The following KCNAB1 variants were observed in gnomAD, a reference collection of about 807,000 sequenced individuals.
KCNAB1 encodes voltage-gated potassium channel subunit beta-1.
KCNAB1 carries 35 observed loss-of-function variants against 64.6 expected under a neutral mutation model. That is an observed-to-expected ratio of 0.54 (90% CI 0.41 to 0.72). The LOEUF (loss-of-function observed/expected upper bound fraction) is 0.72, where lower values mean the gene tolerates loss of function less well. Ranked by LOEUF, KCNAB1 falls within the 30% of genes least tolerant of loss-of-function variation. The pLI is 0.00. For synonymous variants in KCNAB1, 177 were observed against 183.8 expected (o/e 0.96, Z 0.30); for missense variants, 401 against 512.9 (o/e 0.78, Z 2.11).
chr3:156,465,768 A>C (rs1713320836), intron 7 of KCNAB1, 82 bp downstream of exon 7: 1 of 1,141,490 alleles, frequency 8.8e-7, no homozygotes, highest in Non-Finnish European at 1.3e-6. Context: ...TTCAGAACAC[A>C]CTGGAAGAGG....
intron 1 of KCNAB1, among the ~76,000 whole-genome samples, chr3:156,402,839 C>T (rs1464520995): frequency 1.3e-5 from 2 of 152,170 alleles, no homozygotes; most frequent in East Asian, 3.8e-4. Flanking sequence ...TTTCCTCCCC[C>T]TATTATGGTA....
chr3:156,129,096 C>A (rs952831850), intron 1 of KCNAB1, among the ~76,000 whole-genome samples: 1 of 152,186 alleles, frequency 6.6e-6, no homozygotes, highest in African/African-American at 2.4e-5. Context: ...CTTGTTACAA[C>A]CCATATCCTT....
At chr3:156,241,932 A>G (rs1343813662) in intron 1 of KCNAB1, among the ~76,000 whole-genome samples, 1 of 152,160 alleles carries the variant, frequency 6.6e-6, no homozygotes, top group Non-Finnish European at 1.5e-5. Flanking sequence ...GAAATAATTT[A>G]CCACTTCAGA....
intron 1 of KCNAB1, among the ~76,000 whole-genome samples, chr3:156,177,264 G>C (rs1220087154): frequency 6.6e-6 from 1 of 152,088 alleles, no homozygotes; most frequent in Non-Finnish European, 1.5e-5. Flanking sequence ...ACGTTATGTG[G>C]GGTTCTAACC....
chr3:156,398,561 C>G (rs561238538), intron 1 of KCNAB1, among the ~76,000 whole-genome samples: 3 of 146,204 alleles, frequency 2.1e-5, no homozygotes, highest in Non-Finnish European at 4.4e-5. Context: ...CCACTGCACT[C>G]CAACCTGGGC....
At chr3:156,406,941 C>G (rs967716962) in intron 1 of KCNAB1, among the ~76,000 whole-genome samples, 7 of 152,172 alleles carry the variant, frequency 4.6e-5, no homozygotes, top group Non-Finnish European at 1.0e-4. Flanking sequence ...GGAGTGTGAC[C>G]TGGCCCCAAG....
intron 1 of KCNAB1, among the ~76,000 whole-genome samples, chr3:156,197,802 C>T (rs1027239157): frequency 6.6e-5 from 10 of 152,124 alleles, no homozygotes; most frequent in African/African-American, 2.4e-4. Context: ...TTTAGTTCTG[C>T]TCTGACCTTA....
chr3:156,427,560 A>G (rs1715901718), intron 2 of KCNAB1, among the ~76,000 whole-genome samples: 1 of 152,196 alleles, frequency 6.6e-6, no homozygotes, highest in Non-Finnish European at 1.5e-5. Context: ...GAGATGATCA[A>G]TTGCTAAGAA....
intron 8 of KCNAB1, among the ~76,000 whole-genome samples, chr3:156,483,817 G>A (rs1483980242): frequency 6.6e-6 from 1 of 152,114 alleles, no homozygotes; most frequent in Non-Finnish European, 1.5e-5. Context: ...ATTCTGATAT[G>A]CATCTATAAG....
At chr3:156,120,934 G>A (rs765756155) in intron 1 of KCNAB1, 48 bp downstream of exon 1, 1 of 1,594,102 alleles carries the variant, frequency 6.3e-7, no homozygotes, top group Non-Finnish European at 8.5e-7. Context: ...CCGTTCGAAG[G>A]TGCTCTGGAG....
chr3:156,140,039 A>T (rs1046592481), intron 1 of KCNAB1, among the ~76,000 whole-genome samples: 1 of 152,074 alleles, frequency 6.6e-6, no homozygotes, highest in African/African-American at 2.4e-5. Flanking sequence ...TTTTTTTCTC[A>T]TTATCTAAAA....
chr3:156,333,226 T>C (rs1333123859), intron 1 of KCNAB1, among the ~76,000 whole-genome samples: 1 of 152,118 alleles, frequency 6.6e-6, no homozygotes, highest in Non-Finnish European at 1.5e-5. Context: ...TTTCCCCCTT[T>C]TGGCTGTCCT....
intron 1 of KCNAB1, among the ~76,000 whole-genome samples, chr3:156,398,673 A>G (rs1713664956): frequency 1.3e-5 from 2 of 151,834 alleles, no homozygotes; most frequent in East Asian, 1.9e-4. Flanking sequence ...AACAGTGTAT[A>G]CCTATGTAAC....
intron 1 of KCNAB1, among the ~76,000 whole-genome samples, chr3:156,161,943 T>C (rs984651106): frequency 3.3e-5 from 5 of 152,248 alleles, no homozygotes; most frequent in African/African-American, 9.6e-5. Flanking sequence ...TTTTTATCCA[T>C]AATAGCATGT....
chr3:156,240,668 C>A lies in KCNAB1; in HGVS notation c.275+119782C>A, dbSNP rs192032240. Among the ~76,000 whole-genome samples the A allele has an allele frequency of 5.6e-3, 858 of 152,290 alleles. 3 individuals carry two copies. Among genetic ancestry groups the A allele is most frequent in the Non-Finnish European group, 7.9e-3 (539 of 68,020 alleles). On this transcript the variant is annotated intron_variant, in intron 1 of 13. Coordinates refer to ENST00000490337, the MANE Select transcript of KCNAB1 (RefSeq NM_172160.3). The stretch of plus-strand genomic sequence containing the variant: ...CTATCCGCTTCTCCTCACTTATTCT[C>A]CTGGTTTAATTATGCTCCAAATTTT...
At chr3:156,294,055 A>G (rs1720630145) in intron 1 of KCNAB1, among the ~76,000 whole-genome samples, 1 of 152,236 alleles carries the variant, frequency 6.6e-6, no homozygotes, top group Non-Finnish European at 1.5e-5. Context: ...GCAGAGTTTC[A>G]TAGTTGCTTG....
At chr3:156,191,684 C>A (rs761078668) in intron 1 of KCNAB1, among the ~76,000 whole-genome samples, 1 of 151,978 alleles carries the variant, frequency 6.6e-6, no homozygotes, top group African/African-American at 2.4e-5. Context: ...AAAATACTTT[C>A]AAAAAAATGT....
At chr3:156,173,168 A>C (rs1028348018) in intron 1 of KCNAB1, among the ~76,000 whole-genome samples, 9 of 152,216 alleles carry the variant, frequency 5.9e-5, no homozygotes, top group African/African-American at 1.9e-4. Context: ...TAAGAGGGGC[A>C]GGGACCCTGG....
chr3:156,509,232 C>A (rs1717023957), intron 8 of KCNAB1, among the ~76,000 whole-genome samples: 1 of 152,154 alleles, frequency 6.6e-6, no homozygotes, highest in Non-Finnish European at 1.5e-5. Flanking sequence ...CGTTTGTATC[C>A]ATTGAAATGG....
Sources: allele counts gnomAD v4.1 joint callset (sites outside exome capture counted in the v4.1 genomes callset), GRCh38; gene constraint gnomAD v4.1.1; transcripts MANE v1.5; gene names NCBI Gene and HGNC (gene_info 2026-07-23, HGNC 2026-07-21).